MACF1: variants seen among roughly 807,000 people sequenced by gnomAD.
The protein encoded by MACF1 is microtubule actin crosslinking factor 1, also known as microtubule-actin cross-linking factor 1.
MACF1 carries 193 observed loss-of-function variants against 854.8 expected under a neutral mutation model. That is an observed-to-expected ratio of 0.23 (90% CI 0.20 to 0.25). The LOEUF is 0.25. MACF1 is among the 10% of genes least tolerant of loss of function. The pLI is 1.00. For synonymous variants in MACF1, 3,185 were observed against 3,226.7 expected, an observed-to-expected ratio of 0.99 and a Z score of 0.44; for missense variants, 7,722 against 8,929.1, an observed-to-expected ratio of 0.86 and a Z score of 5.45.
chr1:39,435,439 G>C, intron 69 of MACF1, 119 bp from the exon 70 acceptor site: 1 of 781,060 alleles, frequency 1.3e-6, no homozygotes, highest in South Asian at 1.8e-5. Flanking sequence ...GCTGGGCCTT[G>C]CTGGTTTTTA....
At chr1:39,414,749 T>C (rs1643222500) in intron 58 of MACF1, among the ~76,000 whole-genome samples, 1 of 152,234 alleles carries the variant, frequency 6.6e-6, no homozygotes. Context: ...TTTACATTTT[T>C]AAAAAGATTA....
rs1645114638 is a variant in MACF1, at chr1:39,257,881, T to G, written c.436-55T>G. ...ATCAATAATGAAGTGATGCAAAAAT[T>G]TAATCAAAACAAAAAGTCCTAGAGC... On this transcript the variant is annotated intron_variant, in intron 5 of 100. Transcript: ENST00000564288. The G allele has an allele frequency of 8.2e-6, 11 of 1,336,090 alleles. No homozygotes were observed. In the South Asian group the frequency reaches 1.2e-4, roughly 15 times the overall value. 82.8% of individuals were successfully genotyped at this position (1,336,090 alleles called of 1,614,324 possible).
At chr1:39,431,882 G>A (rs1319197923) in intron 66 of MACF1, among the ~76,000 whole-genome samples, 1 of 152,100 alleles carries the variant, frequency 6.6e-6, no homozygotes, top group Non-Finnish European at 1.5e-5. Context: ...AGGCTGAGGT[G>A]AAAGGATCAC....
At chr1:39,282,854 AGTGAG>A (rs1358546573) in intron 7 of MACF1, among the ~76,000 whole-genome samples, 1 of 152,220 alleles carries the variant, frequency 6.6e-6, no homozygotes, top group African/African-American at 2.4e-5. Flanking sequence ...AGGTGGCTGA[AGTGAG>A]GTGAGGACGA....
At chr1:39,145,749 G>A (rs1643449179) in intron 2 of MACF1, among the ~76,000 whole-genome samples, 1 of 152,132 alleles carries the variant, frequency 6.6e-6, no homozygotes, top group African/African-American at 2.4e-5. Context: ...TGCTATCTCT[G>A]GATGAGTTGA....
chr1:39,415,729 C>T (rs940135595), intron 58 of MACF1, among the ~76,000 whole-genome samples: 1 of 152,106 alleles, frequency 6.6e-6, no homozygotes, highest in African/African-American at 2.4e-5. Flanking sequence ...GTTCCACATC[C>T]TTGAGCACTC....
intron 2 of MACF1, among the ~76,000 whole-genome samples, chr1:39,148,875 A>G (rs768517714): frequency 2.6e-5 from 4 of 152,240 alleles, no homozygotes; most frequent in Non-Finnish European, 5.9e-5. Context: ...TACTCTCCAT[A>G]AAAGTTTTAC....
At position 39,286,469 on chromosome 1, in the gene MACF1, T is replaced by A. The variant is rs1472955826; in HGVS notation, c.1508+711T>A. Among the ~76,000 whole-genome samples, 3 of 151,710 alleles carry A rather than the reference T, an allele frequency of 2.0e-5. No homozygotes were observed. The East Asian group carries it at 5.8e-4, about 29-fold the overall frequency. On this transcript the variant is annotated intron_variant, in intron 14 of 100. Coordinates refer to ENST00000564288, the MANE Select transcript of MACF1 (RefSeq NM_001394062.1). ...TAAAGTCATGTGGCTAGTTTTTTTT[T>A]TCCCCTTTTTTTTTTGAGATGGCAT...
At chr1:39,266,619 T>TTC (rs397979934) in intron 6 of MACF1, among the ~76,000 whole-genome samples, 1 of 147,994 alleles carries the variant, frequency 6.8e-6, no homozygotes, top group African/African-American at 2.5e-5. Context: ...TTTTTTTTTT[T>TTC]CAGGTCTCCA....
chr1:39,176,134 T>C, intron 2 of MACF1, among the ~76,000 whole-genome samples: 1 of 38,830 alleles, frequency 2.6e-5, no homozygotes, highest in East Asian at 1.2e-3. Flanking sequence ...AAAAGCCAGG[T>C]GTGGTGGCAG....
At chr1:39,477,086 T>A (rs1401400611) in intron 97 of MACF1, among the ~76,000 whole-genome samples, 2 of 12,436 alleles carry the variant, frequency 1.6e-4, no homozygotes, top group South Asian at 7.5e-3. Context: ...TATATATATA[T>A]ATATACACAC....
intron 84 of MACF1, among the ~76,000 whole-genome samples, chr1:39,449,529 G>T (rs936076054): frequency 6.6e-6 from 1 of 151,870 alleles, no homozygotes; most frequent in Non-Finnish European, 1.5e-5. Context: ...CTCCCGAGTA[G>T]CTGGGACTAC....
intron 2 of MACF1, among the ~76,000 whole-genome samples, chr1:39,166,543 G>A (rs542038125): frequency 2.0e-5 from 3 of 152,052 alleles, no homozygotes; most frequent in African/African-American, 4.8e-5. Flanking sequence ...TGCAACCTCC[G>A]CCTCCTGGGT....
intron 2 of MACF1, among the ~76,000 whole-genome samples, chr1:39,124,049 ATTTTTTT>A (rs1009496081): frequency 1.6e-5 from 2 of 123,238 alleles, no homozygotes; most frequent in African/African-American, 6.0e-5. Flanking sequence ...CAATTCTTGT[ATTTTTTT>A]TTTTTTTTTT....
rs368999283 is a variant in MACF1, at chr1:39,357,422, C to T, written c.11472C>T (p.Ala3824=). ...CCCAGCAGCAAAATTTCATTCTGGC[C>T]ACCCAGTCAGCTCAGGCCTTCTTGG... ...LLSQQQNFIL[A]TQSAQAFLDQ... is the part of the protein sequence containing the mutation. The change falls in exon 45 of 101, where the codon GCC becomes GCT. Residue 3824 remains alanine, a synonymous_variant. Transcript: ENST00000564288. The T allele has an allele frequency of 1.7e-4, 279 of 1,613,906 alleles. No homozygotes were observed. The highest frequency in any genetic ancestry group is 1.4e-3 in the South Asian group (131 of 90,996).
intron 2 of MACF1, chr1:39,154,395 T>A (rs1052200186): frequency 1.3e-5 from 2 of 152,148 alleles, no homozygotes; most frequent in African/African-American, 4.8e-5. Context: ...TGGTAAGCAT[T>A]CAACAGATAT....
intron 2 of MACF1, among the ~76,000 whole-genome samples, chr1:39,117,816 G>A (rs1482673516): frequency 1.3e-5 from 2 of 152,150 alleles, no homozygotes; most frequent in African/African-American, 2.4e-5. Context: ...ATGTGTAAGC[G>A]GTTGAACAAA....
intron 58 of MACF1, among the ~76,000 whole-genome samples, chr1:39,395,392 G>A (rs1408333795): frequency 6.6e-6 from 1 of 152,220 alleles, no homozygotes; most frequent in African/African-American, 2.4e-5. Context: ...ACTGTGTGTA[G>A]TGGCAACAAC....
intron 83 of MACF1, 52 bp downstream of exon 83, chr1:39,448,204 T>A (rs1205815780): frequency 2.6e-6 from 4 of 1,545,030 alleles, no homozygotes; most frequent in African/African-American, 1.4e-5. Context: ...CGCTAAAGCT[T>A]GTATCTTGCC....
Sources: allele counts gnomAD v4.1 joint callset (sites outside exome capture counted in the v4.1 genomes callset), GRCh38; gene constraint gnomAD v4.1.1; transcripts MANE v1.5; gene names NCBI Gene and HGNC (gene_info 2026-07-23, HGNC 2026-07-21).